WEE1: variants seen among roughly 807,000 people sequenced by gnomAD.
The protein encoded by WEE1 is WEE1 G2 checkpoint kinase, also known as wee1-like protein kinase.
In WEE1, 16 loss-of-function variants were observed where a neutral mutation model predicts 68.8. That is an observed-to-expected ratio of 0.23 (90% CI 0.16 to 0.35). WEE1 has a LOEUF of 0.35. WEE1 is among the 10% of genes least tolerant of loss of function. The pLI is 1.00. For synonymous variants in WEE1, 349 were observed against 318.7 expected, an observed-to-expected ratio of 1.09 and a Z score of -1.01; for missense variants, 651 against 824.1, an observed-to-expected ratio of 0.79 and a Z score of 2.57.
intron 6 of WEE1, among the ~76,000 whole-genome samples, chr11:9,584,443 G>T (rs1849678580): frequency 6.6e-6 from 1 of 152,068 alleles, no homozygotes; most frequent in Non-Finnish European, 1.5e-5. Flanking sequence ...ACCATACCTG[G>T]CCAATACTAT....
chr11:9,579,303 C>G (rs953824376), intron 5 of WEE1: 2 of 152,200 alleles, frequency 1.3e-5, no homozygotes, highest in African/African-American at 2.4e-5. Context: ...TTTCCTGTGT[C>G]CACCGTTCCT....
At chr11:9,588,376 G>A in intron 10 of WEE1, 73 bp from the exon 11 acceptor site, 1 of 1,050,042 alleles carries the variant, frequency 9.5e-7, no homozygotes, top group Non-Finnish European at 1.3e-6. Flanking sequence ...TCTCCCAATC[G>A]ACAATATAGT....
chr11:9,575,425 C>G, intron 1 of WEE1: 1 of 996,706 alleles, frequency 1.0e-6, no homozygotes, highest in Non-Finnish European at 1.2e-6. Context: ...CCTAGGCAAT[C>G]TGTGTGCTTT....
At chr11:9,585,788 T>C (rs1053217772) in intron 8 of WEE1, among the ~76,000 whole-genome samples, 5 of 152,214 alleles carry the variant, frequency 3.3e-5, no homozygotes, top group Admixed American at 6.5e-5. Flanking sequence ...AGTATTAGTA[T>C]TGCATTAATA....
rs1254747157 is a variant in WEE1, at chr11:9,589,209, A to T, written c.*607A>T. On this transcript the variant is annotated 3_prime_UTR_variant, in exon 11 of 11. Coordinates refer to ENST00000450114, the MANE Select transcript of WEE1 (RefSeq NM_003390.4). ...GCATTAAACAATCATTGTTGTTAAT[A>T]GGTCTTCTTTTTGAAACAATTATGT... The T allele has an allele frequency of 1.1e-5, 11 of 985,288 alleles. No homozygotes were observed. Among genetic ancestry groups the T allele is most frequent in the Non-Finnish European group, 2.4e-6 (2 of 829,842 alleles). The allele number at this position is 985,288 out of a possible 1,614,324, so 61.0% of individuals were successfully genotyped here.
At chr11:9,575,254 A>C in intron 1 of WEE1, 3 of 985,656 alleles carry the variant, frequency 3.0e-6, no homozygotes, top group Non-Finnish European at 3.6e-6. Context: ...CTGTGTTTTG[A>C]AAGGCCTTCG....
intron 5 of WEE1, chr11:9,580,544 A>AC (rs1849615904): frequency 1.4e-5 from 2 of 147,442 alleles, no homozygotes; most frequent in African/African-American, 5.0e-5. Context: ...GCTCACTGCA[A>AC]CCTCCGCCTC....
chr11:9,586,686 C>T (rs1362715678), intron 9 of WEE1, 25 bp from the exon 10 acceptor site: 4 of 1,610,866 alleles, frequency 2.5e-6, no homozygotes, highest in Admixed American at 1.7e-5. Flanking sequence ...CATGTCTTTA[C>T]CTTCATTTTA....
chr11:9,575,295 G>A, intron 1 of WEE1: 1 of 987,150 alleles, frequency 1.0e-6, no homozygotes, highest in Non-Finnish European at 1.2e-6. Flanking sequence ...TTTTAAAACT[G>A]CAGATTTTAA....
chr11:9,580,467 T>TCC, intron 5 of WEE1: 1 of 148,826 alleles, frequency 6.7e-6, no homozygotes, highest in African/African-American at 2.5e-5. Context: ...TCTTTCTTTT[T>TCC]TTTTTTTTTT....
rs1037543001 is a variant in WEE1 at position 9,586,391 on chromosome 11, A to G, written c.1471-58A>G. On this transcript the variant is annotated intron_variant, in intron 8 of 10. Coordinates refer to ENST00000450114, the MANE Select transcript of WEE1 (RefSeq NM_003390.4). ...TCACCTAAGTCATCTTTGAGGTGTA[A>G]TCTTGTTTTATTTTGACCATGTTTA... 7 of 1,497,966 alleles carry G rather than the reference A, an allele frequency of 4.7e-6. No individual in the cohort carries two copies. In the South Asian group the frequency reaches 7.3e-5, roughly 16 times the overall value. 92.8% of individuals were successfully genotyped at this position (1,497,966 alleles called of 1,614,324 possible). A position where few individuals can be genotyped will look rare whatever the true frequency, so the allele number is the denominator to read the frequency against.
chr11:9,574,173 G>T lies in WEE1; in HGVS notation c.240G>T (p.Gly80=). The change falls in exon 1 of 11, where the codon GGG becomes GGT. Residue 80 remains glycine (G), a synonymous_variant. Transcript: ENST00000450114. This position sits in a 1 kb window ranked among gnomAD's most constrained non-coding sequence, Gnocchi z 4.9. ...EPGPERRRSP[G]PAPGSPGELE... is the part of the protein sequence containing the mutation. ...GGCCCGAGCGCCGCCGCTCGCCCGGGCCGGCCCCCGGCAGCCCCGGCGAGC... is the reference window on the plus strand; with the variant it reads ...GGCCCGAGCGCCGCCGCTCGCCCGGTCCGGCCCCCGGCAGCCCCGGCGAGC... The T allele has an allele frequency of 8.5e-7, 1 of 1,180,182 alleles. No individual in the cohort carries two copies. Among genetic ancestry groups the T allele is most frequent in the Non-Finnish European group, 1.0e-6 (1 of 955,590 alleles). The allele number at this position is 1,180,182 out of a possible 1,614,324, so 73.1% of individuals were successfully genotyped here.
In WEE1 at chr11:9,588,830, T is replaced by C; in HGVS notation, c.*228T>C. The C allele has an allele frequency of 8.9e-7, 1 of 1,119,290 alleles. No individual in the cohort carries two copies. Among genetic ancestry groups the C allele is most frequent in the Non-Finnish European group, 1.1e-6 (1 of 913,816 alleles). 69.3% of individuals were successfully genotyped at this position (1,119,290 alleles called of 1,614,324 possible). A position where few individuals can be genotyped will look rare whatever the true frequency, so the allele number is the denominator to read the frequency against. On this transcript the variant is annotated 3_prime_UTR_variant, in exon 11 of 11. Transcript: ENST00000450114. ...TGTAGGATGTGTCACTGTTGGATGT[T>C]ACACCAGCCTTTCCAGGGTTAACCA...
At position 9,573,870 on chromosome 11, in the gene WEE1, C is replaced by T. The variant is rs1011854804; in HGVS notation, c.-64C>T. On this transcript the variant is annotated 5_prime_UTR_variant, in exon 1 of 11. Coordinates refer to ENST00000450114, the MANE Select transcript of WEE1 (RefSeq NM_003390.4). ...GCACGTGGCGGACCCGCCCCCAGGCCCGCAGTGTCCTGGACCCCGCAGGCC... is the reference window on the plus strand; with the variant it reads ...GCACGTGGCGGACCCGCCCCCAGGCTCGCAGTGTCCTGGACCCCGCAGGCC... The T allele has an allele frequency of 8.4e-6, 10 of 1,189,138 alleles. No individual in the cohort carries two copies. The highest frequency in any genetic ancestry group is 8.9e-5 in the Admixed American group (2 of 22,518). The allele number at this position is 1,189,138 out of a possible 1,614,324, so 73.7% of individuals were successfully genotyped here. A position where few individuals can be genotyped will look rare whatever the true frequency, so the allele number is the denominator to read the frequency against.
chr11:9,573,968 C>T lies in WEE1; in HGVS notation c.35C>T (p.Pro12Leu). 7.7e-7 allele frequency: 1 copy of T among 1,294,870 alleles called. No individual in the cohort carries two copies. Among genetic ancestry groups the T allele is most frequent in the Non-Finnish European group, 9.8e-7 (1 of 1,021,114 alleles). The allele number at this position is 1,294,870 out of a possible 1,614,324, so 80.2% of individuals were successfully genotyped here. ...CTGAGCCGACAGCAGCCGCCGCCAC[C>T]CCGCCGCGCCGGGGCGGCCTGCACC... ...SFLSRQQPPPPRRAGAACTLR... is the reference protein window; with the variant it reads ...SFLSRQQPPPLRRAGAACTLR... The change falls in exon 1 of 11, where the codon CCC (proline) becomes CTC (leucine). Residue 12 changes from proline (P) to leucine (L), a missense_variant. This residue lies in a region of WEE1 where 395 missense variants were observed against 378.4 expected (regional missense o/e 1.04). Transcript: ENST00000450114.
Position 9,575,997 on chromosome 11 carries a change from A to G in WEE1, c.686A>G (p.Gln229Arg), listed in dbSNP as rs752960652. 6.2e-7 allele frequency: 1 copy of G among 1,614,044 alleles called. No individual in the cohort carries two copies. The highest frequency in any genetic ancestry group is 1.3e-5 in the African/African-American group (1 of 74,932). Residue 229 changes from glutamine (Q) to arginine (R), a missense_variant, in exon 2 of 11, where the codon CAG (glutamine) becomes CGG (arginine). By Grantham distance (43) the Gln-to-Arg change is conservative. Around this residue, in one of 5 missense-constraint regions of WEE1, gnomAD observed 395 missense variants for 378.4 expected, o/e 1.04. Transcript: ENST00000450114. ...GGAAAAAGGGAATTTGATGTGCGACAGACTCCTCAAGTGAATATTAATCCT... is the reference window on the plus strand; with the variant it reads ...GGAAAAAGGGAATTTGATGTGCGACGGACTCCTCAAGTGAATATTAATCCT... ...KSGKREFDVR[Q>R]TPQVNINPFT...
intron 5 of WEE1, chr11:9,577,875 C>CT: frequency 2.2e-6 from 1 of 456,104 alleles, no homozygotes; most frequent in Non-Finnish European, 4.4e-6. Flanking sequence ...GTTTGGATGT[C>CT]TTGTATAGCT....
intron 6 of WEE1, among the ~76,000 whole-genome samples, chr11:9,583,129 A>G (rs1849646871): frequency 6.6e-6 from 1 of 151,796 alleles, no homozygotes; most frequent in Non-Finnish European, 1.5e-5. Flanking sequence ...CCTGGCCAAT[A>G]TGATGAAACC....
chr11:9,577,488 C>T (rs536131937), intron 5 of WEE1: 11 of 480,588 alleles, frequency 2.3e-5, no homozygotes, highest in East Asian at 7.9e-5. Flanking sequence ...ATGTGCTTGT[C>T]GCTCCAACTG....
Sources: allele counts gnomAD v4.1 joint callset (sites outside exome capture counted in the v4.1 genomes callset), GRCh38; gene constraint gnomAD v4.1.1; regional missense constraint gnomAD v4.1.1; non-coding constraint Gnocchi (gnomAD v3.1); transcripts MANE v1.5; gene names NCBI Gene and HGNC (gene_info 2026-07-23, HGNC 2026-07-21).